The following KMT2B variants were observed in gnomAD, a reference collection of about 807,000 sequenced individuals.
KMT2B encodes histone-lysine N-methyltransferase 2B.
KMT2B carries 22 observed loss-of-function variants against 255.3 expected under a neutral mutation model. That is an observed-to-expected ratio of 0.09 (90% CI 0.06 to 0.12). KMT2B has a LOEUF of 0.12. Ranked by LOEUF, KMT2B falls within the 10% of genes least tolerant of loss-of-function variation. The pLI, the probability that KMT2B is intolerant of heterozygous loss-of-function variation, is 1.00. For missense variants in KMT2B, 3,149 were observed against 3,737.0 expected (o/e 0.84, Z 4.10); for synonymous variants, 1,730 against 1,498.1 (o/e 1.15, Z -3.57).
rs1969322696 is a variant in KMT2B, at chr19:35,723,975, C to G, written c.3302C>G (p.Pro1101Arg). Residue 1101 changes from proline to arginine, a missense_variant, in exon 8 of 37, where the codon CCT (proline) becomes CGT (arginine). Coordinates refer to ENST00000420124, the MANE Select transcript of KMT2B (RefSeq NM_014727.3). This position sits in a 1 kb window ranked among gnomAD's most constrained non-coding sequence, Gnocchi z 7.5. ...GATGACTCGGAGCCCGGGGGCCCCC[C>G]TGCTCCTCGGCGTCGGACCCCCCGA... ...DSDDSEPGGP[P>R]APRRRTPREN... 3.1e-6 allele frequency: 5 copies of G among 1,605,482 alleles called. No individual in the cohort carries two copies. The highest frequency in any genetic ancestry group is 4.3e-6 in the Non-Finnish European group (5 of 1,175,878).
rs755335733 is a variant in KMT2B at position 35,722,698 on chromosome 19, G to A, written c.2702G>A (p.Arg901Gln). ...CTCAGTGCCCTCCCTCTCCGGGATC[G>A]GCAGGACCTCGCCACAGAGGGTAGG... ...PRLSALPLRD[R>Q]QDLATEDTSS... Residue 901 changes from arginine (R) to glutamine (Q), a missense_variant, in exon 5 of 37, where the codon CGG becomes CAG. Transcript: ENST00000420124. 1.3e-5 allele frequency: 21 copies of A among 1,605,654 alleles called. No homozygotes were observed. Among genetic ancestry groups the A allele is most frequent in the Admixed American group, 3.4e-5 (2 of 59,188 alleles).
chr19:35,728,737 G>C (rs767242643), intron 19 of KMT2B, 37 bp from the exon 20 acceptor site: 10 of 1,551,634 alleles, frequency 6.4e-6, no homozygotes, highest in South Asian at 1.1e-5. Flanking sequence ...AGCTGCCCTT[G>C]TTGGGCACAT....
Position 35,718,098 on chromosome 19 carries a change from C to G in KMT2B, c.80C>G (p.Ala27Gly), listed in dbSNP as rs1438706284. The G allele has an allele frequency of 6.1e-6, 6 of 990,096 alleles. No individual in the cohort carries two copies. The highest frequency in any genetic ancestry group is 7.2e-6 in the Non-Finnish European group (6 of 834,470). The allele number at this position is 990,096 out of a possible 1,614,324, so 61.3% of individuals were successfully genotyped here. A position where few individuals can be genotyped will look rare whatever the true frequency, so the allele number is the denominator to read the frequency against. ...CGCTTCCCGGGCCGGCCGCGGGGCG[C>G]CGGCGGGGGCGGGGGCCGCGGCGGA... ...RGRFPGRPRG[A>G]GGGGGRGGRG... Residue 27 changes from alanine to glycine, a missense_variant, in exon 1 of 37, where the codon GCC becomes GGC. Ala to Gly is a moderately conservative substitution (Grantham distance 60). Coordinates refer to ENST00000420124, the MANE Select transcript of KMT2B (RefSeq NM_014727.3). This position sits in a 1 kb window ranked among gnomAD's most constrained non-coding sequence, Gnocchi z 5.0.
Position 35,721,320 on chromosome 19 carries a change from A to C in KMT2B, c.1973A>C (p.His658Pro). The C allele has an allele frequency of 6.4e-7, 1 of 1,550,530 alleles. No individual in the cohort carries two copies. The highest frequency in any genetic ancestry group is 8.7e-7 in the Non-Finnish European group (1 of 1,149,396). The change falls in exon 3 of 37, where the codon CAC becomes CCC. Residue 658 changes from histidine (H) to proline (P), a missense_variant. This residue lies in a region of KMT2B where 1,188 missense variants were observed against 1,106.4 expected (regional missense o/e 1.07). Coordinates refer to ENST00000420124, the MANE Select transcript of KMT2B (RefSeq NM_014727.3). ...CCTCAGTTTACCCCAAGCGAAGCCC[A>C]CCTGAAGATCTACGAATCGGTGCTT... is the stretch of plus-strand genomic sequence containing the variant. ...RAPQFTPSEA[H>P]LKIYESVLTP...
Position 35,732,600 on chromosome 19 carries a change from CG to C in KMT2B, c.6056del (p.Gly2019AlafsTer21). 1 of 1,612,712 alleles carries C rather than the reference CG, an allele frequency of 6.2e-7. No homozygotes were observed. Among genetic ancestry groups the C allele is most frequent in the South Asian group, 1.1e-5 (1 of 90,968 alleles). Reference protein sequence around the residue: ...VAAGAMGSSHGGPGDSSEEES... With the variant: ...VAAGAMGSSHXGPGDSSEEES... Reference sequence around the variant, plus strand: ...CCGCTGGGGCCATGGGGAGCAGCCACGGGGGCCCGGGGGACAGCTCCGAGGA... The same window carrying C: ...CCGCTGGGGCCATGGGGAGCAGCCACGGGGCCCGGGGGACAGCTCCGAGGA... On this transcript the variant is annotated frameshift_variant, in exon 28 of 37. Transcript: ENST00000420124. LOFTEE classifies it high-confidence loss of function.
chr19:35,722,847 G>T, intron 5 of KMT2B, 129 bp downstream of exon 5: 1 of 1,423,572 alleles, frequency 7.0e-7, no homozygotes. Flanking sequence ...GTGGGCTGGA[G>T]TGCTAGGTCC....
rs1969217856 is a variant in KMT2B, at chr19:35,721,670, G to C, written c.2323G>C (p.Ala775Pro). Residue 775 changes from alanine (A) to proline (P), a missense_variant, in exon 3 of 37, where the codon GCC (alanine) becomes CCC (proline). Ala to Pro is a conservative substitution (Grantham distance 27). Around this residue, in one of 18 missense-constraint regions of KMT2B, gnomAD observed 1,188 missense variants for 1,106.4 expected, o/e 1.07. Coordinates refer to ENST00000420124, the MANE Select transcript of KMT2B (RefSeq NM_014727.3). ...SPQQMPPLEK[A>P]RIAGVGSLPL... is the part of the protein sequence containing the mutation. ...ACAGCAGATGCCTCCCCTGGAAAAA[G>C]CCCGGATTGCGGGCGTGGGTTCCTT... 6.2e-7 allele frequency: 1 copy of C among 1,612,440 alleles called. No individual in the cohort carries two copies. The highest frequency in any genetic ancestry group is 1.7e-5 in the Admixed American group (1 of 59,686).
chr19:35,720,113 G>T lies in KMT2B; in HGVS notation c.766G>T (p.Val256Leu). ...CCCCAAACCTGAGCCCCCACCTCCTGTGGTTCCAGTGAAACATCAGACTGG... is the reference window on the plus strand; with the variant it reads ...CCCCAAACCTGAGCCCCCACCTCCTTTGGTTCCAGTGAAACATCAGACTGG... ...TIPKPEPPPPVVPVKHQTGSW... is the reference protein window; with the variant it reads ...TIPKPEPPPPLVPVKHQTGSW... The change falls in exon 3 of 37, where the codon GTG becomes TTG. Residue 256 changes from valine (V) to leucine (L), a missense_variant. Val to Leu is a conservative substitution (Grantham distance 32, BLOSUM62 1). This residue lies in a region of KMT2B where 1,188 missense variants were observed against 1,106.4 expected (regional missense o/e 1.07). Coordinates refer to ENST00000420124, the MANE Select transcript of KMT2B (RefSeq NM_014727.3). The T allele has an allele frequency of 6.3e-7, 1 of 1,599,072 alleles. No homozygotes were observed. The highest frequency in any genetic ancestry group is 8.5e-7 in the Non-Finnish European group (1 of 1,172,876).
At position 35,720,972 on chromosome 19, in the gene KMT2B, C is replaced by A; in HGVS notation, c.1625C>A (p.Thr542Lys). The change falls in exon 3 of 37, where the codon ACA becomes AAA. Residue 542 changes from threonine to lysine, a missense_variant. Around this residue, in one of 18 missense-constraint regions of KMT2B, gnomAD observed 1,188 missense variants for 1,106.4 expected, o/e 1.07. Transcript: ENST00000420124. ...VSARSSRVIK[T>K]PRRFMDEDPP... ...GCCCGCTCCTCCCGTGTCATCAAGA[C>A]ACCCCGGCGATTTATGGATGAAGAC... 6.2e-7 allele frequency: 1 copy of A among 1,612,322 alleles called. No homozygotes were observed. Among genetic ancestry groups the A allele is most frequent in the Non-Finnish European group, 8.5e-7 (1 of 1,179,372 alleles).
Position 35,725,414 on chromosome 19 carries a change from G to C in KMT2B, c.3643-65G>C. The C allele has an allele frequency of 1.9e-6, 3 of 1,592,930 alleles. No individual in the cohort carries two copies. The highest frequency in any genetic ancestry group is 2.6e-6 in the Non-Finnish European group (3 of 1,169,656). ...TGATTCCTTGGGCCCTCTCAGCTGG[G>C]TCTCATCCCTTGGCCCTCTGGCCTC... On this transcript the variant is annotated intron_variant, in intron 11 of 36. Transcript: ENST00000420124. This position sits in a 1 kb window ranked among gnomAD's most constrained non-coding sequence, Gnocchi z 4.1.
rs560713952 is a variant in KMT2B at position 35,730,213 on chromosome 19, A to G, written c.5076+88A>G. On this transcript the variant is annotated intron_variant, in intron 23 of 36. Coordinates refer to ENST00000420124, the MANE Select transcript of KMT2B (RefSeq NM_014727.3). The stretch of plus-strand genomic sequence containing the variant: ...CCCCGTGGCCCCCAGGCCTGGCCCT[A>G]CTGCCTCTCAGTGTCTCCTCATCTG... 237 of 1,599,204 alleles carry G rather than the reference A, an allele frequency of 1.5e-4. No homozygotes were observed. The East Asian group carries it at 4.9e-3, about 33-fold the overall frequency.
At chr19:35,731,027 G>C (rs968174456) in intron 26 of KMT2B, among the ~76,000 whole-genome samples, 160 bp downstream of exon 26, 2 of 152,262 alleles carry the variant, frequency 1.3e-5, no homozygotes, top group Non-Finnish European at 2.9e-5. Context: ...TTGTGTGCCA[G>C]GGGCTGTGCC....
In KMT2B at chr19:35,726,178, G is replaced by A. The variant is rs116253645; in HGVS notation, c.3886-58G>A. 2,324 of 1,319,386 alleles carry A rather than the reference G, an allele frequency of 1.8e-3. 21 individuals carry two copies. The African/African-American group carries it at 0.03, about 17-fold the overall frequency. The allele number at this position is 1,319,386 out of a possible 1,614,324, so 81.7% of individuals were successfully genotyped here. ...CCCAATTCCTCCTCGCCCGTCTCCCGCTCATGTTGCTCCAGTCCAGTGCCT... is the reference window on the plus strand; with the variant it reads ...CCCAATTCCTCCTCGCCCGTCTCCCACTCATGTTGCTCCAGTCCAGTGCCT... On this transcript the variant is annotated intron_variant, in intron 13 of 36. Transcript: ENST00000420124.
intron 30 of KMT2B, among the ~76,000 whole-genome samples, chr19:35,734,348 G>A (rs1480201310): frequency 6.6e-6 from 1 of 152,186 alleles, no homozygotes; most frequent in Non-Finnish European, 1.5e-5. Context: ...TAGCGTTGGT[G>A]TCCAGTGAGA....
At chr19:35,734,149 G>A (rs1217091094) in intron 30 of KMT2B, among the ~76,000 whole-genome samples, 1 of 152,156 alleles carries the variant, frequency 6.6e-6, no homozygotes, top group African/African-American at 2.4e-5. Context: ...AGCCTGCCAG[G>A]AGCTGAGAGA....
chr19:35,730,731 A>G lies in KMT2B; in HGVS notation c.5301A>G (p.Thr1767=), dbSNP rs768033240. ...GYQCSRLYWS[T]VDARRRCWYR... ...GGTGCTCCCGTCTGTACTGGAGCAC[A>G]GTGGATGCTCGGAGGCGCTGCTGGT... The change falls in exon 26 of 37, where the codon ACA becomes ACG. Residue 1767 remains threonine, a synonymous_variant. Coordinates refer to ENST00000420124, the MANE Select transcript of KMT2B (RefSeq NM_014727.3). The G allele has an allele frequency of 2.5e-6, 4 of 1,613,932 alleles. No individual in the cohort carries two copies. The highest frequency in any genetic ancestry group is 2.5e-6 in the Non-Finnish European group (3 of 1,179,896).
rs1969948691 is a variant in KMT2B, at chr19:35,737,092, G to A, written c.7379G>A (p.Ser2460Asn). ...CCTCAACATCTCCCCTCAGGAATGA[G>A]TGGGGCGAGACTCCTGGGCATCCAC... ...RLRHLSFSGM[S>N]GARLLGIHHD... The change falls in exon 33 of 37, where the codon AGT becomes AAT. Residue 2460 changes from serine (S) to asparagine (N), a missense_variant. Physicochemically the swap from Ser to Asn is conservative, Grantham distance 46. Around this residue, in one of 18 missense-constraint regions of KMT2B, gnomAD observed 103 missense variants for 200.7 expected, o/e 0.51. Coordinates refer to ENST00000420124, the MANE Select transcript of KMT2B (RefSeq NM_014727.3). The surrounding 1 kb of genome is among the most constrained non-coding windows in gnomAD (Gnocchi z 5.3). The A allele has an allele frequency of 6.2e-7, 1 of 1,610,632 alleles. No individual in the cohort carries two copies. The highest frequency in any genetic ancestry group is 8.5e-7 in the Non-Finnish European group (1 of 1,177,790).
chr19:35,720,723 C>A lies in KMT2B; in HGVS notation c.1376C>A (p.Pro459His). ...AQEEQEESPP[P>H]VVPATCSRKR... ...GAGGAGCAGGAGGAATCCCCTCCTC[C>A]TGTGGTCCCAGCTACGTGCTCCAGG... Residue 459 changes from proline to histidine, a missense_variant, in exon 3 of 37, where the codon CCT (proline) becomes CAT (histidine). Around this residue, in one of 18 missense-constraint regions of KMT2B, gnomAD observed 1,188 missense variants for 1,106.4 expected, o/e 1.07. Transcript: ENST00000420124. 2.0e-6 allele frequency: 3 copies of A among 1,476,132 alleles called. No individual in the cohort carries two copies. Among genetic ancestry groups the A allele is most frequent in the South Asian group, 1.4e-5 (1 of 70,400 alleles). 91.4% of individuals were successfully genotyped at this position (1,476,132 alleles called of 1,614,324 possible).
rs762659366 is a variant in KMT2B at position 35,721,109 on chromosome 19, ACTC to A, written c.1767_1769del (p.Pro590del). 2.5e-6 allele frequency: 4 copies of A among 1,606,078 alleles called. No homozygotes were observed. Among genetic ancestry groups the A allele is most frequent in the East Asian group, 4.5e-5 (2 of 44,388 alleles). Reference sequence around the variant, plus strand: ...AGTCCCCTCTCCACCACGTGCCCCAACTCCTCCATCTACCCCAGTTCCACTCCC... The same window carrying A: ...AGTCCCCTCTCCACCACGTGCCCCAACTCCATCTACCCCAGTTCCACTCCC... On this transcript the variant is annotated inframe_deletion, in exon 3 of 37. Coordinates refer to ENST00000420124, the MANE Select transcript of KMT2B (RefSeq NM_014727.3).
Sources: allele counts gnomAD v4.1 joint callset (sites outside exome capture counted in the v4.1 genomes callset), GRCh38; gene constraint gnomAD v4.1.1; regional missense constraint gnomAD v4.1.1; non-coding constraint Gnocchi (gnomAD v3.1); transcripts MANE v1.5; gene names NCBI Gene and HGNC (gene_info 2026-07-23, HGNC 2026-07-21).